The following ERC2 variants were observed in gnomAD, a reference collection of about 807,000 sequenced individuals.
The protein encoded by ERC2 is ERC protein 2.
ERC2 carries 42 observed loss-of-function variants against 114.8 expected under a neutral mutation model. That is an observed-to-expected ratio of 0.37 (90% CI 0.29 to 0.47). ERC2 has a LOEUF of 0.47. Ranked by LOEUF, ERC2 falls within the 20% of genes least tolerant of loss-of-function variation. The pLI is 0.99. For synonymous variants in ERC2, 454 were observed against 425.5 expected (o/e 1.07, Z -0.82); for missense variants, 939 against 1,150.7 (o/e 0.82, Z 2.66).
rs576386458 is a variant in ERC2, at chr3:55,846,417, T to C, written c.2564+41972A>G. 2.3e-3 allele frequency among the ~76,000 whole-genome samples: 353 copies of C among 152,348 alleles called. 1 individual carries two copies. The highest frequency in any genetic ancestry group is 4.0e-3 in the Non-Finnish European group (270 of 68,032). On this transcript the variant is annotated intron_variant, in intron 14 of 17. Transcript: ENST00000288221. Reference sequence around the variant, plus strand: ...TACCACTGATGGGCATCTAGGTTGATTCCATGTCTTTGCTATTGTGTACAG... The same window carrying C: ...TACCACTGATGGGCATCTAGGTTGACTCCATGTCTTTGCTATTGTGTACAG...
At chr3:56,185,615 A>T (rs183179176) in intron 3 of ERC2, among the ~76,000 whole-genome samples, 18 of 152,270 alleles carry the variant, frequency 1.2e-4, no homozygotes, top group Admixed American at 9.8e-4. Flanking sequence ...GGATGAGGTG[A>T]ATGTATTTAT....
intron 17 of ERC2, among the ~76,000 whole-genome samples, chr3:55,632,219 G>A (rs2059783803): frequency 6.6e-6 from 1 of 152,208 alleles, no homozygotes; most frequent in Admixed American, 6.5e-5. Flanking sequence ...AATATGTGAT[G>A]TGTGCCCATA....
chr3:55,579,867 CT>C (rs2057170846), intron 17 of ERC2, among the ~76,000 whole-genome samples: 1 of 152,224 alleles, frequency 6.6e-6, no homozygotes, highest in African/African-American at 2.4e-5. Context: ...GCATTGCTGT[CT>C]GCTCCAAGGC....
chr3:56,191,434 C>G (rs762502337), intron 3 of ERC2, among the ~76,000 whole-genome samples: 7 of 152,278 alleles, frequency 4.6e-5, no homozygotes, highest in South Asian at 2.1e-4. Flanking sequence ...AGTGTCCTCT[C>G]TATGCCTGAG....
At chr3:56,149,709 A>G (rs1286871860) in intron 4 of ERC2, among the ~76,000 whole-genome samples, 2 of 152,206 alleles carry the variant, frequency 1.3e-5, no homozygotes, top group Admixed American at 1.3e-4. Context: ...TTGAAAATTT[A>G]TAGTGATTGG....
intron 2 of ERC2, among the ~76,000 whole-genome samples, chr3:56,314,251 G>A (rs1393398244): frequency 2.6e-5 from 4 of 152,014 alleles, no homozygotes; most frequent in African/African-American, 9.7e-5. Flanking sequence ...GGGGGCTGTG[G>A]GATATTGGCA....
intron 6 of ERC2, among the ~76,000 whole-genome samples, chr3:56,094,909 A>T (rs2077972834): frequency 6.6e-6 from 1 of 152,256 alleles, no homozygotes. Flanking sequence ...TATGACAAAA[A>T]TAAATTCCTA....
intron 17 of ERC2, among the ~76,000 whole-genome samples, chr3:55,599,830 TGAATAACGCCTTG>T (rs1248185903): frequency 3.9e-5 from 6 of 152,220 alleles, no homozygotes; most frequent in Non-Finnish European, 8.8e-5. Flanking sequence ...GTCTTGTGGA[TGAATAACGCCTTG>T]GACTGGTAGA....
intron 11 of ERC2, among the ~76,000 whole-genome samples, chr3:55,990,031 C>T (rs73831838): frequency 2.6e-3 from 389 of 152,222 alleles, no homozygotes; most frequent in African/African-American, 9.2e-3. Context: ...GTTTCCTAAT[C>T]AATGAAAGAG....
At chr3:55,689,061 G>A (rs1042533139) in intron 16 of ERC2, among the ~76,000 whole-genome samples, 1 of 152,142 alleles carries the variant, frequency 6.6e-6, no homozygotes, top group African/African-American at 2.4e-5. Context: ...ACACACTGGG[G>A]TGTCTCTCAA....
In ERC2 at chr3:55,934,207, T is replaced by C. The variant is rs150255342; in HGVS notation, c.2403+16218A>G. On this transcript the variant is annotated intron_variant, in intron 13 of 17. Transcript: ENST00000288221. The stretch of plus-strand genomic sequence containing the variant: ...TGCTGGGAAAAAGTATACAAAGACA[T>C]AAATCTTGCATTTTTCTCCCAGTCA... 2.5e-3 allele frequency among the ~76,000 whole-genome samples: 382 copies of C among 152,220 alleles called. 3 individuals are homozygous for C. The highest frequency in any genetic ancestry group is 8.8e-3 in the African/African-American group (364 of 41,552).
rs569264494 is a variant in ERC2 at position 56,266,349 on chromosome 3, C to T, written c.1074+29670G>A. Among the ~76,000 whole-genome samples, 15 of 152,022 alleles carry T rather than the reference C, an allele frequency of 9.9e-5. No homozygotes were observed. The South Asian group carries it at 3.1e-3, about 32-fold the overall frequency. ...GTTTCACCGTGTTAGCCAGGATGGT[C>T]TCGATCTCCTGACCTTTTGATCCAC... On this transcript the variant is annotated intron_variant, in intron 3 of 17. Coordinates refer to ENST00000288221, the MANE Select transcript of ERC2 (RefSeq NM_015576.3).
chr3:55,745,386 A>T (rs551044135), intron 14 of ERC2, among the ~76,000 whole-genome samples: 1 of 152,376 alleles, frequency 6.6e-6, no homozygotes, highest in East Asian at 1.9e-4. Context: ...AAAATCAAAC[A>T]AATTCAAAAT....
intron 17 of ERC2, among the ~76,000 whole-genome samples, chr3:55,636,383 G>C (rs1179371): frequency 0.93 from 142,037 of 152,074 alleles, 66,400 homozygotes; most frequent in East Asian, 1. Flanking sequence ...AATCATTCAC[G>C]TTCCCTCAGC....
intron 17 of ERC2, among the ~76,000 whole-genome samples, chr3:55,581,046 G>A (rs576612085): frequency 6.6e-6 from 1 of 152,174 alleles, no homozygotes; most frequent in African/African-American, 2.4e-5. Flanking sequence ...CAGAGGCCTT[G>A]AGGCAGGAGG....
At chr3:56,131,761 C>A (rs2080213141) in intron 6 of ERC2, among the ~76,000 whole-genome samples, 1 of 152,114 alleles carries the variant, frequency 6.6e-6, no homozygotes, top group Non-Finnish European at 1.5e-5. Flanking sequence ...GGAATAAATT[C>A]TAGCGTTCTG....
chr3:55,987,366 T>C (rs2070718087), intron 11 of ERC2, among the ~76,000 whole-genome samples: 2 of 152,220 alleles, frequency 1.3e-5, no homozygotes, highest in African/African-American at 4.8e-5. Flanking sequence ...ACATTTCAGA[T>C]GTAGTTGCCT....
chr3:56,157,346 C>A (rs2046452), intron 4 of ERC2, among the ~76,000 whole-genome samples: 139,745 of 152,242 alleles, frequency 0.92, 64,521 homozygotes, highest in East Asian at 1. Context: ...AAATTTTCAG[C>A]AACTGCTTCC....
At chr3:56,177,778 G>T (rs1454884946) in intron 3 of ERC2, among the ~76,000 whole-genome samples, 1 of 152,128 alleles carries the variant, frequency 6.6e-6, no homozygotes, top group Non-Finnish European at 1.5e-5. Flanking sequence ...GCAGAATCAG[G>T]AGCTTTATGA....
Sources: gnomAD v4.1 joint callset for allele counts (sites outside exome capture counted in the v4.1 genomes callset) on GRCh38, gnomAD v4.1.1 for gene constraint, MANE v1.5 for transcripts, NCBI Gene and HGNC (gene_info 2026-07-23, HGNC 2026-07-21) for gene names.